The following DHRS9 variants were observed in gnomAD, a reference collection of about 807,000 sequenced individuals.
DHRS9 encodes dehydrogenase/reductase 9, also known as dehydrogenase/reductase SDR family member 9.
A neutral mutation model predicts 26.6 loss-of-function variants in DHRS9; 18 were observed. That is an observed-to-expected ratio of 0.68 (90% CI 0.47 to 1.00). The LOEUF (loss-of-function observed/expected upper bound fraction) is 1.00. Ranked by LOEUF, DHRS9 falls within the 50% of genes least tolerant of loss-of-function variation. The probability of loss-of-function intolerance (pLI) is 0.00; values close to 1 mark genes in which losing one functional copy is unlikely to be tolerated. For synonymous variants in DHRS9, 134 were observed against 141.1 expected, an observed-to-expected ratio of 0.95 and a Z score of 0.36; for missense variants, 425 against 378.7, an observed-to-expected ratio of 1.12 and a Z score of -1.01.
In DHRS9 at chr2:169,081,567, C is replaced by T. The variant is rs146211780; in HGVS notation, c.-15C>T. 1,156 of 1,611,158 alleles carry T rather than the reference C, an allele frequency of 7.2e-4. 5 individuals carry two copies. The African/African-American group carries it at 0.014, about 19-fold the overall frequency. The stretch of plus-strand genomic sequence containing the variant: ...ATACAAGAAAGGAGTGTACCTATCA[C>T]ACACAGGGGGAAAAATGCTCTTTTG... On this transcript the variant is annotated 5_prime_UTR_variant, in exon 2 of 5. Coordinates refer to ENST00000674881, the MANE Select transcript of DHRS9 (RefSeq NM_001376924.1).
intron 4 of DHRS9, 58 bp downstream of exon 4, chr2:169,092,011 G>A (rs1684546642): frequency 1.3e-6 from 2 of 1,560,808 alleles, no homozygotes; most frequent in Non-Finnish European, 1.7e-6. Flanking sequence ...ACAGCATGAA[G>A]GAGATTCAAA....
chr2:169,091,224 T>TATAAAATAAAATACA lies in DHRS9; in HGVS notation c.573-553_573-552insCAATAAAATAAAATA. On this transcript the variant is annotated intron_variant, in intron 3 of 4. Coordinates refer to ENST00000674881, the MANE Select transcript of DHRS9 (RefSeq NM_001376924.1). ...CTTTTAGTTTTCTGCTGCAGCATGA[T>TATAAAATAAAATACA]ATAAAATAAAATAAAATAAAATAAA... 2.5e-5 allele frequency among the ~76,000 whole-genome samples: 3 copies of TATAAAATAAAATACA among 121,178 alleles called. No individual in the cohort carries two copies. The East Asian group carries it at 7.0e-4, about 28-fold the overall frequency. The allele number at this position is 121,178 out of a possible 152,430, so 79.5% of individuals were successfully genotyped here. A position where few individuals can be genotyped will look rare whatever the true frequency, so the allele number is the denominator to read the frequency against.
intron 3 of DHRS9, among the ~76,000 whole-genome samples, chr2:169,087,909 A>G (rs1318264296): frequency 1.3e-5 from 2 of 152,056 alleles, no homozygotes; most frequent in Non-Finnish European, 2.9e-5. Context: ...CTCCTCAAGC[A>G]AAGGGAAGGA....
chr2:169,085,208 A>G (rs1438967678), intron 3 of DHRS9, among the ~76,000 whole-genome samples: 1 of 152,122 alleles, frequency 6.6e-6, no homozygotes, highest in Non-Finnish European at 1.5e-5. Flanking sequence ...CCATTTTTAT[A>G]CCAGTACCAT....
At chr2:169,083,902 C>T (rs1415925897) in intron 3 of DHRS9, among the ~76,000 whole-genome samples, 1 of 152,038 alleles carries the variant, frequency 6.6e-6, no homozygotes, top group Non-Finnish European at 1.5e-5. Flanking sequence ...ACTGTAGTCA[C>T]CCTGTTGTGC....
intron 1 of DHRS9, chr2:169,074,327 C>T: frequency 1.0e-6 from 1 of 985,422 alleles, no homozygotes; most frequent in Non-Finnish European, 1.2e-6. Flanking sequence ...GGGATGGAAC[C>T]TCTGCCTGCT....
intron 1 of DHRS9, among the ~76,000 whole-genome samples, chr2:169,076,007 C>A (rs1009840295): frequency 1.3e-5 from 2 of 152,118 alleles, no homozygotes; most frequent in African/African-American, 2.4e-5. Context: ...CGGAATTTGA[C>A]CCACTAGTTT....
intron 3 of DHRS9, among the ~76,000 whole-genome samples, chr2:169,085,362 G>A (rs1161704204): frequency 6.6e-6 from 1 of 152,048 alleles, no homozygotes; most frequent in Non-Finnish European, 1.5e-5. Context: ...TTCTATTTCT[G>A]TAAAGAATGT....
At chr2:169,086,319 C>A (rs1684349075) in intron 3 of DHRS9, among the ~76,000 whole-genome samples, 1 of 152,012 alleles carries the variant, frequency 6.6e-6, no homozygotes. Flanking sequence ...ATCCAGGATT[C>A]CTGCTTGATT....
upstream of DHRS9, chr2:169,067,126 G>A: frequency 6.5e-7 from 1 of 1,534,966 alleles, no homozygotes; most frequent in Non-Finnish European, 8.7e-7. Context: ...AGAATGACTT[G>A]AGAGAGAGGA....
intron 1 of DHRS9, among the ~76,000 whole-genome samples, chr2:169,079,726 T>C (rs1272795076): frequency 1.3e-5 from 2 of 151,334 alleles, no homozygotes; most frequent in South Asian, 2.1e-4. Flanking sequence ...CCTGTAATGG[T>C]GGCAGGTGCT....
chr2:169,071,263 G>A (rs1215223937), intron 1 of DHRS9, among the ~76,000 whole-genome samples: 1 of 152,136 alleles, frequency 6.6e-6, no homozygotes, highest in Non-Finnish European at 1.5e-5. Context: ...CAATTGTTAT[G>A]CAGTGACCAT....
intron 1 of DHRS9, among the ~76,000 whole-genome samples, chr2:169,079,920 GGAGA>G (rs1200500362): frequency 4.8e-4 from 5 of 10,316 alleles, no homozygotes; most frequent in Non-Finnish European, 4.5e-4. Flanking sequence ...GGAGGGAGGG[GGAGA>G]GAGAGAGAGA....
At chr2:169,072,306 A>T (rs542189853) in intron 1 of DHRS9, among the ~76,000 whole-genome samples, 2 of 152,318 alleles carry the variant, frequency 1.3e-5, no homozygotes, top group South Asian at 4.1e-4. Context: ...GTAAATAAAG[A>T]TTCTACAAAC....
chr2:169,079,438 T>C (rs1272451663), intron 1 of DHRS9, among the ~76,000 whole-genome samples: 5 of 152,162 alleles, frequency 3.3e-5, no homozygotes, highest in Admixed American at 1.3e-4. Flanking sequence ...TCAAGTGTTA[T>C]AATCATTACT....
chr2:169,081,882 G>C lies in DHRS9; in HGVS notation c.301G>C (p.Val101Leu), dbSNP rs1422582409. ...GACTGCCCAGTGGGTGAAGAACCAA[G>C]TTGGGGAGAAAGGTGAGAGACATGG... is the stretch of plus-strand genomic sequence containing the variant. ...KRTAQWVKNQ[V>L]GEKGLWGLIN... Residue 101 changes from valine to leucine, a missense_variant, in exon 2 of 5, where the codon GTT becomes CTT. Transcript: ENST00000674881. 6.2e-7 allele frequency: 1 copy of C among 1,605,308 alleles called. No homozygotes were observed. Among genetic ancestry groups the C allele is most frequent in the South Asian group, 1.1e-5 (1 of 90,238 alleles).
intron 1 of DHRS9, among the ~76,000 whole-genome samples, chr2:169,079,386 C>T (rs1473319987): frequency 2.0e-5 from 3 of 151,784 alleles, no homozygotes; most frequent in Admixed American, 2.0e-4. Flanking sequence ...GAAAACTTTA[C>T]AAATACAGAA....
rs1331523641 is a variant in DHRS9, at chr2:169,081,901, G to A, written c.313+7G>A. 6.3e-7 allele frequency: 1 copy of A among 1,596,398 alleles called. No individual in the cohort carries two copies. Among genetic ancestry groups the A allele is most frequent in the East Asian group, 2.2e-5 (1 of 44,640 alleles). On this transcript the variant is annotated splice_region_variant and intron_variant, in intron 2 of 4. Transcript: ENST00000674881. ...AACCAAGTTGGGGAGAAAGGTGAGA[G>A]ACATGGAAGTGGGTAGGATGGGACA...
chr2:169,090,517 A>G (rs1684488521), intron 3 of DHRS9, among the ~76,000 whole-genome samples: 1 of 152,242 alleles, frequency 6.6e-6, no homozygotes, highest in Non-Finnish European at 1.5e-5. Flanking sequence ...ATTTTTAGTA[A>G]AATATATTTC....
Sources: allele counts gnomAD v4.1 joint callset (sites outside exome capture counted in the v4.1 genomes callset), GRCh38; gene constraint gnomAD v4.1.1; transcripts MANE v1.5; gene names NCBI Gene and HGNC (gene_info 2026-07-23, HGNC 2026-07-21).